The following MAPKAP1 variants were observed in gnomAD, a reference collection of about 807,000 sequenced individuals.
MAPKAP1 encodes the protein target of rapamycin complex 2 subunit MAPKAP1.
Under a neutral mutation model 65.7 loss-of-function variants are expected in MAPKAP1, and 20 were observed. The observed-to-expected ratio is 0.30, with a 90% CI of 0.21 to 0.44. The LOEUF is 0.44. Ranked by LOEUF, MAPKAP1 falls within the 20% of genes least tolerant of loss-of-function variation. The pLI, the probability that MAPKAP1 is intolerant of heterozygous loss-of-function variation, is 1.00. For synonymous variants in MAPKAP1, 222 were observed against 244.3 expected (o/e 0.91, Z 0.85); for missense variants, 423 against 648.0 (o/e 0.65, Z 3.77).
chr9:125,492,122 T>C (rs1589233561), intron 8 of MAPKAP1, among the ~76,000 whole-genome samples: 1 of 151,982 alleles, frequency 6.6e-6, no homozygotes, highest in Non-Finnish European at 1.5e-5. Flanking sequence ...GAGGATCACT[T>C]GAGCCCAGGA....
intron 4 of MAPKAP1, among the ~76,000 whole-genome samples, chr9:125,600,753 A>T (rs1291081424): frequency 6.6e-6 from 1 of 152,196 alleles, no homozygotes; most frequent in Non-Finnish European, 1.5e-5. Context: ...ATGTGCTCTC[A>T]CACAGGTATA....
In MAPKAP1 at chr9:125,506,323, C is replaced by T. The variant is rs1021740155; in HGVS notation, c.1053G>A (p.Leu351=). The T allele has an allele frequency of 1.2e-6, 2 of 1,613,872 alleles. No homozygotes were observed. The highest frequency in any genetic ancestry group is 1.7e-6 in the Non-Finnish European group (2 of 1,179,944). ...LESQSAWEFC[L]VRENSSRADG... is the part of the protein sequence containing the mutation. ...CGGCCAACGTACTGTTCTCGCGGACCAGGCAGAACTCCCATGCGCTCTGGC... is the reference window on the plus strand; with the variant it reads ...CGGCCAACGTACTGTTCTCGCGGACTAGGCAGAACTCCCATGCGCTCTGGC... The change falls in exon 8 of 12, where the codon CTG becomes CTA. Residue 351 remains leucine, a synonymous_variant. Transcript: ENST00000265960.
chr9:125,503,954 C>G (rs1225145127), intron 8 of MAPKAP1, among the ~76,000 whole-genome samples: 1 of 135,010 alleles, frequency 7.4e-6, no homozygotes, highest in Non-Finnish European at 1.5e-5. Context: ...CCAGGCTGGT[C>G]TCGAACTCCT....
chr9:125,483,033 T>C (rs73591546), intron 9 of MAPKAP1, among the ~76,000 whole-genome samples: 15,839 of 152,128 alleles, frequency 0.1, 1,724 homozygotes, highest in African/African-American at 0.28. Flanking sequence ...CGAGCAGGGT[T>C]TGTACCTGGG....
chr9:125,644,400 T>A (rs1833667621), intron 4 of MAPKAP1, among the ~76,000 whole-genome samples: 1 of 152,204 alleles, frequency 6.6e-6, no homozygotes, highest in African/African-American at 2.4e-5. Flanking sequence ...AGCACAATTT[T>A]AACCCAAAAT....
chr9:125,707,166 G>C lies in MAPKAP1; in HGVS notation c.-265C>G, dbSNP rs1272899478. 2.5e-6 allele frequency: 1 copy of C among 397,836 alleles called. No individual in the cohort carries two copies. The highest frequency in any genetic ancestry group is 4.4e-6 in the Non-Finnish European group (1 of 225,636). 24.6% of individuals were successfully genotyped at this position (397,836 alleles called of 1,614,324 possible). A position where few individuals can be genotyped will look rare whatever the true frequency, so the allele number is the denominator to read the frequency against. On this transcript the variant is annotated 5_prime_UTR_variant, in exon 1 of 12. Coordinates refer to ENST00000265960, the MANE Select transcript of MAPKAP1 (RefSeq NM_001006617.3). ...CATGCCCCTGCTGCTCGCCGCCGCC[G>C]GCCGGCCGAGCAGCAGCCCTATTAC...
At chr9:125,586,472 C>T (rs1756450213) in intron 4 of MAPKAP1, among the ~76,000 whole-genome samples, 1 of 152,122 alleles carries the variant, frequency 6.6e-6, no homozygotes, top group Admixed American at 6.5e-5. Flanking sequence ...GATACTGCCT[C>T]CTCTGCTGTC....
intron 4 of MAPKAP1, among the ~76,000 whole-genome samples, chr9:125,621,823 G>T (rs1832909990): frequency 6.6e-6 from 1 of 152,136 alleles, no homozygotes; most frequent in Non-Finnish European, 1.5e-5. Flanking sequence ...ATGCAAAAGG[G>T]TATCAACTGA....
chr9:125,459,044 C>T (rs1326014158), intron 10 of MAPKAP1, among the ~76,000 whole-genome samples: 1 of 134,204 alleles, frequency 7.5e-6, no homozygotes, highest in Non-Finnish European at 1.6e-5. Context: ...CGGAGGGGCT[C>T]CTCACTTCTC....
chr9:125,696,203 A>C (rs948992939), intron 1 of MAPKAP1: 1 of 152,182 alleles, frequency 6.6e-6, no homozygotes, highest in African/African-American at 2.4e-5. Flanking sequence ...TTGTTAAAAT[A>C]AATTAAAACA....
At chr9:125,475,594 G>A (rs1373031089) in intron 9 of MAPKAP1, among the ~76,000 whole-genome samples, 5 of 152,176 alleles carry the variant, frequency 3.3e-5, no homozygotes, top group Non-Finnish European at 5.9e-5. Flanking sequence ...ACGAACGAAC[G>A]CAGAGCAGCA....
chr9:125,570,386 G>A (rs867028929), intron 5 of MAPKAP1, among the ~76,000 whole-genome samples: 3 of 150,592 alleles, frequency 2.0e-5, no homozygotes, highest in Non-Finnish European at 4.4e-5. Flanking sequence ...GGTTCTTACT[G>A]TATAACTTGC....
intron 4 of MAPKAP1, among the ~76,000 whole-genome samples, chr9:125,625,228 A>C (rs1340673037): frequency 1.3e-5 from 1 of 75,656 alleles, no homozygotes; most frequent in Non-Finnish European, 2.9e-5. Context: ...ACACCCAAGA[A>C]TTATCAATAA....
chr9:125,558,895 ACT>A (rs759355686), intron 6 of MAPKAP1, among the ~76,000 whole-genome samples: 6 of 152,130 alleles, frequency 3.9e-5, no homozygotes, highest in African/African-American at 1.2e-4. Context: ...AGTGCCAGTG[ACT>A]CTGTCATGAA....
At chr9:125,612,339 C>T (rs903983375) in intron 4 of MAPKAP1, among the ~76,000 whole-genome samples, 15 of 152,168 alleles carry the variant, frequency 9.9e-5, no homozygotes, top group African/African-American at 3.4e-4. Flanking sequence ...TATTAATGGG[C>T]ATACAGCCAT....
chr9:125,688,531 G>A (rs1330946110), intron 1 of MAPKAP1, among the ~76,000 whole-genome samples: 5 of 152,146 alleles, frequency 3.3e-5, no homozygotes, highest in Non-Finnish European at 7.4e-5. Context: ...TATAATTAGG[G>A]TGAGAATGTT....
intron 4 of MAPKAP1, among the ~76,000 whole-genome samples, chr9:125,638,466 A>G: frequency 6.6e-6 from 1 of 152,248 alleles, no homozygotes; most frequent in East Asian, 1.9e-4. Context: ...CTCACTTTGG[A>G]AACAATCCTT....
intron 1 of MAPKAP1, among the ~76,000 whole-genome samples, chr9:125,675,802 G>T (rs1834627508): frequency 6.6e-6 from 1 of 152,156 alleles, no homozygotes; most frequent in African/African-American, 2.4e-5. Flanking sequence ...TTGTTGTAGA[G>T]ATAAGTCATA....
intron 7 of MAPKAP1, among the ~76,000 whole-genome samples, chr9:125,510,562 A>C (rs1178764758): frequency 6.6e-6 from 1 of 152,156 alleles, no homozygotes; most frequent in African/African-American, 2.4e-5. Flanking sequence ...CTAATATTCT[A>C]CGCTCAGTTT....
Sources: allele counts gnomAD v4.1 joint callset (sites outside exome capture counted in the v4.1 genomes callset), GRCh38; gene constraint gnomAD v4.1.1; transcripts MANE v1.5; gene names NCBI Gene and HGNC (gene_info 2026-07-23, HGNC 2026-07-21).